Variants in NKAIN3 observed in about 807,000 individuals in gnomAD.
NKAIN3 encodes sodium/potassium transporting ATPase interacting 3.
A neutral mutation model predicts 30.2 loss-of-function variants in NKAIN3; 25 were observed. The ratio of observed to expected loss-of-function variants is 0.83; its 90% CI spans 0.60 to 1.16. NKAIN3 has a LOEUF of 1.16. Among genes scored for constraint, NKAIN3 ranks in the 50% most tolerant of loss-of-function variants. The pLI, the probability that NKAIN3 is intolerant of heterozygous loss-of-function variation, is 0.00. For missense variants in NKAIN3, 225 were observed against 254.1 expected (o/e 0.89, Z 0.78); for synonymous variants, 91 against 89.6 (o/e 1.02, Z -0.09).
chr8:62,381,359 C>A (rs1817269052), intron 1 of NKAIN3, among the ~76,000 whole-genome samples: 1 of 152,064 alleles, frequency 6.6e-6, no homozygotes. Flanking sequence ...TTACTCTTAG[C>A]CTAAATCGTT....
At chr8:62,912,564 T>C (rs1821952164) in intron 4 of NKAIN3, among the ~76,000 whole-genome samples, 1 of 152,178 alleles carries the variant, frequency 6.6e-6, no homozygotes, top group Admixed American at 6.5e-5. Context: ...ACATCCTTAT[T>C]TATAAGCCCT....
chr8:62,904,137 G>A (rs947790102), intron 4 of NKAIN3, among the ~76,000 whole-genome samples: 1 of 152,112 alleles, frequency 6.6e-6, no homozygotes, highest in Non-Finnish European at 1.5e-5. Context: ...TGGACATTCC[G>A]TTGTTTATCA....
At chr8:62,939,089 C>T (rs190633373) in intron 5 of NKAIN3, among the ~76,000 whole-genome samples, 1 of 151,936 alleles carries the variant, frequency 6.6e-6, no homozygotes, top group Non-Finnish European at 1.5e-5. Context: ...GAAGGACACA[C>T]TTAGAGAAAT....
At chr8:62,801,277 C>A (rs1294997779) in intron 4 of NKAIN3, among the ~76,000 whole-genome samples, 2 of 152,218 alleles carry the variant, frequency 1.3e-5, no homozygotes, top group African/African-American at 4.8e-5. Flanking sequence ...GTTCTCCCAG[C>A]ACGCAGCTGG....
At position 62,364,487 on chromosome 8, in the gene NKAIN3, A is replaced by T. The variant is rs528392601; in HGVS notation, c.54+115360A>T. ...ATTTTTATAATGGTGCTTCTCTTTC[A>T]TGGAGCTTCAAAAGTCATTACAAGA... On this transcript the variant is annotated intron_variant, in intron 1 of 6. Coordinates refer to ENST00000623646, the MANE Select transcript of NKAIN3 (RefSeq NM_001304533.3). Among the ~76,000 whole-genome samples the T allele has an allele frequency of 2.6e-5, 4 of 152,212 alleles. No individual in the cohort carries two copies. In the Middle Eastern group the frequency reaches 0.014, roughly 518 times the overall value.
At chr8:62,339,396 G>A (rs1815668357) in intron 1 of NKAIN3, among the ~76,000 whole-genome samples, 2 of 152,036 alleles carry the variant, frequency 1.3e-5, no homozygotes, top group South Asian at 4.1e-4. Flanking sequence ...TCTGACTGCT[G>A]CTTGGAGATT....
intron 1 of NKAIN3, among the ~76,000 whole-genome samples, chr8:62,413,661 A>G (rs1804336016): frequency 6.6e-6 from 1 of 152,178 alleles, no homozygotes; most frequent in African/African-American, 2.4e-5. Flanking sequence ...TAAAATTCAA[A>G]TCACGTTTTG....
chr8:62,957,996 C>T (rs975723885), intron 6 of NKAIN3, among the ~76,000 whole-genome samples: 2 of 152,092 alleles, frequency 1.3e-5, no homozygotes, highest in African/African-American at 4.8e-5. Context: ...GTACCTTCCT[C>T]TCAATTTTGC....
chr8:62,741,520 T>A (rs1423369230), intron 3 of NKAIN3, among the ~76,000 whole-genome samples: 1 of 152,188 alleles, frequency 6.6e-6, no homozygotes, highest in Non-Finnish European at 1.5e-5. Context: ...AAGGAAGACC[T>A]TCTTATCACC....
At chr8:62,468,004 C>A (rs779200402) in intron 1 of NKAIN3, among the ~76,000 whole-genome samples, 1 of 152,096 alleles carries the variant, frequency 6.6e-6, no homozygotes, top group African/African-American at 2.4e-5. Context: ...AATTCCTGAG[C>A]TCCAGTGATC....
At chr8:62,716,289 G>A (rs1384258635) in intron 3 of NKAIN3, among the ~76,000 whole-genome samples, 1 of 152,108 alleles carries the variant, frequency 6.6e-6, no homozygotes, top group Non-Finnish European at 1.5e-5. Flanking sequence ...CCCGACTTTA[G>A]AGAATGGTTT....
chr8:62,754,362 GCACACACA>G (rs35621967), intron 4 of NKAIN3, among the ~76,000 whole-genome samples: 2 of 149,398 alleles, frequency 1.3e-5, no homozygotes, highest in Admixed American at 6.7e-5. Flanking sequence ...GTTGATTAGT[GCACACACA>G]CACACACACA....
rs78095313 is a variant in NKAIN3, at chr8:62,676,119, G to T, written c.274-70813G>T. ...ATGTTCACAAAAATCTTATGAGGTA[G>T]CTAGGTAACATTGATCCTCACCTTA... On this transcript the variant is annotated intron_variant, in intron 3 of 6. Transcript: ENST00000623646. Among the ~76,000 whole-genome samples, 338 of 152,310 alleles carry T rather than the reference G, an allele frequency of 2.2e-3. 2 individuals are homozygous for T. Among genetic ancestry groups the T allele is most frequent in the African/African-American group, 7.4e-3 (306 of 41,578 alleles).
chr8:62,571,219 T>C (rs1809926938), intron 1 of NKAIN3, among the ~76,000 whole-genome samples: 1 of 151,356 alleles, frequency 6.6e-6, no homozygotes, highest in Non-Finnish European at 1.5e-5. Context: ...CACTGCAACC[T>C]CTGCCTCCCA....
chr8:62,301,892 G>C lies in NKAIN3; in HGVS notation c.54+52765G>C, dbSNP rs550807123. 8.5e-5 allele frequency among the ~76,000 whole-genome samples: 13 copies of C among 152,144 alleles called. No homozygotes were observed. The South Asian group carries it at 2.3e-3, about 27-fold the overall frequency. On this transcript the variant is annotated intron_variant, in intron 1 of 6. Transcript: ENST00000623646. ...TTGAAAAAAGCCAGGGATGCCAATA[G>C]AAACTTAAACGTTCTATTTCATCTT...
intron 1 of NKAIN3, among the ~76,000 whole-genome samples, chr8:62,290,608 T>G (rs1813568086): frequency 1.3e-5 from 2 of 152,212 alleles, no homozygotes; most frequent in African/African-American, 4.8e-5. Flanking sequence ...TCATGGTGGA[T>G]AAGCTTTTTG....
intron 1 of NKAIN3, among the ~76,000 whole-genome samples, chr8:62,297,905 A>C (rs1813892639): frequency 6.6e-6 from 1 of 152,302 alleles, no homozygotes; most frequent in African/African-American, 2.4e-5. Context: ...TCACAATAGC[A>C]AAGACTTGGA....
At chr8:62,775,737 GTTTTTTCTAGTATCCA>G (rs1427131773) in intron 4 of NKAIN3, among the ~76,000 whole-genome samples, 10 of 151,934 alleles carry the variant, frequency 6.6e-5, no homozygotes, top group Admixed American at 4.6e-4. Flanking sequence ...TTGATTTCTA[GTTTTTTCTAGTATCCA>G]TTGTATATTC....
chr8:62,377,595 T>TC (rs1817128880), intron 1 of NKAIN3, among the ~76,000 whole-genome samples: 1 of 152,132 alleles, frequency 6.6e-6, no homozygotes, highest in African/African-American at 2.4e-5. Context: ...TGAATTATAA[T>TC]CCCGTAATTC....
Sources: gnomAD v4.1 joint callset for allele counts (sites outside exome capture counted in the v4.1 genomes callset) on GRCh38, gnomAD v4.1.1 for gene constraint, MANE v1.5 for transcripts, NCBI Gene and HGNC (gene_info 2026-07-23, HGNC 2026-07-21) for gene names.